Variants in SLC44A5 observed in about 807,000 individuals in gnomAD.
SLC44A5 encodes the protein solute carrier family 44 member 5, also known as choline transporter-like protein 5.
SLC44A5 carries 57 observed loss-of-function variants against 101.8 expected under a neutral mutation model. The observed-to-expected ratio is 0.56, with a 90% CI of 0.45 to 0.70. The LOEUF (loss-of-function observed/expected upper bound fraction) is 0.70, where lower values mean the gene tolerates loss of function less well. SLC44A5 is among the 30% of genes least tolerant of loss of function. The probability of loss-of-function intolerance (pLI) is 0.00; values close to 1 mark genes in which losing one functional copy is unlikely to be tolerated. For missense variants in SLC44A5, 737 were observed against 853.1 expected (o/e 0.86, Z 1.70); for synonymous variants, 281 against 290.9 (o/e 0.97, Z 0.35).
At chr1:75,513,613 T>G (rs530643987) in intron 2 of SLC44A5, among the ~76,000 whole-genome samples, 19 of 152,316 alleles carry the variant, frequency 1.2e-4, no homozygotes, top group Admixed American at 5.9e-4. Context: ...CTAGTTAGAT[T>G]TAAATTCCTA....
chr1:75,339,528 A>G, intron 4 of SLC44A5, 54 bp downstream of exon 4: 1 of 1,466,458 alleles, frequency 6.8e-7, no homozygotes, highest in Non-Finnish European at 9.4e-7. Flanking sequence ...CCCATCCCCC[A>G]AAGCTTTCTG....
chr1:75,214,392 A>G (rs559696683), intron 20 of SLC44A5, among the ~76,000 whole-genome samples: 4 of 152,276 alleles, frequency 2.6e-5, no homozygotes, highest in African/African-American at 7.2e-5. Context: ...AAAAATGCCA[A>G]TGGACCTAAA....
At chr1:75,337,277 G>GAGAT (rs1273705982) in intron 4 of SLC44A5, among the ~76,000 whole-genome samples, 4 of 152,158 alleles carry the variant, frequency 2.6e-5, no homozygotes, top group Admixed American at 2.0e-4. Context: ...ATACAAAGAT[G>GAGAT]AGATGTTCTC....
chr1:75,586,289 T>C (rs182245435), intron 1 of SLC44A5, among the ~76,000 whole-genome samples: 22 of 152,050 alleles, frequency 1.4e-4, no homozygotes, highest in African/African-American at 5.3e-4. Context: ...GGTCTCCAAT[T>C]TGCAGACAGT....
At chr1:75,395,725 T>C (rs1170675697) in intron 3 of SLC44A5, among the ~76,000 whole-genome samples, 3 of 152,178 alleles carry the variant, frequency 2.0e-5, no homozygotes, top group South Asian at 4.1e-4. Context: ...TATGTATATA[T>C]ACATTGTAGA....
chr1:75,632,352 A>C, the SLC44A5 span, among the ~76,000 whole-genome samples: 1 of 151,816 alleles, frequency 6.6e-6, no homozygotes, highest in Non-Finnish European at 1.5e-5. Flanking sequence ...AAATCATCTC[A>C]GCTATATGTA....
chr1:75,425,455 A>G lies in SLC44A5; in HGVS notation c.14-28834T>C, dbSNP rs546606922. Among the ~76,000 whole-genome samples the G allele has an allele frequency of 9.1e-4, 138 of 152,364 alleles. 1 individual carries two copies. Among genetic ancestry groups the G allele is most frequent in the Admixed American group, 3.7e-3 (56 of 15,308 alleles). On this transcript the variant is annotated intron_variant, in intron 2 of 23. Transcript: ENST00000370859. ...GAAGTCCCGAAGTCTGTAAACTTGCAGAAGCATTGCATTTTAGAGGAACAC... is the reference window on the plus strand; with the variant it reads ...GAAGTCCCGAAGTCTGTAAACTTGCGGAAGCATTGCATTTTAGAGGAACAC...
intron 4 of SLC44A5, among the ~76,000 whole-genome samples, chr1:75,310,019 A>G (rs761228751): frequency 1.6e-4 from 24 of 152,208 alleles, no homozygotes; most frequent in African/African-American, 5.8e-4. Flanking sequence ...TAGCAAAAGT[A>G]AAAGACAAAC....
At chr1:75,667,268 G>A in the SLC44A5 span, among the ~76,000 whole-genome samples, 5 of 152,036 alleles carry the variant, frequency 3.3e-5, no homozygotes, top group Non-Finnish European at 5.9e-5. Context: ...AAAATCACAC[G>A]CATTCCTATA....
chr1:75,589,310 T>C (rs1674208385), intron 1 of SLC44A5, among the ~76,000 whole-genome samples: 1 of 152,226 alleles, frequency 6.6e-6, no homozygotes, highest in Non-Finnish European at 1.5e-5. Flanking sequence ...TTAACTTCCC[T>C]GATCCTAAGT....
chr1:75,404,116 T>A (rs2101459454), intron 2 of SLC44A5, among the ~76,000 whole-genome samples: 1 of 151,958 alleles, frequency 6.6e-6, no homozygotes, highest in Admixed American at 6.5e-5. Flanking sequence ...GAAGATCAAC[T>A]TAATGTAATG....
chr1:75,567,852 T>A (rs211760), intron 1 of SLC44A5, among the ~76,000 whole-genome samples: 1 of 152,146 alleles, frequency 6.6e-6, no homozygotes, highest in Admixed American at 6.5e-5. Context: ...TTTTCCACAC[T>A]GATATTCAAG....
At chr1:75,372,776 G>T (rs1660314477) in intron 3 of SLC44A5, among the ~76,000 whole-genome samples, 1 of 152,194 alleles carries the variant, frequency 6.6e-6, no homozygotes, top group East Asian at 1.9e-4. Context: ...TTGGAAAATT[G>T]TATTAGGGAG....
intron 1 of SLC44A5, among the ~76,000 whole-genome samples, chr1:75,547,354 C>G (rs1671705819): frequency 6.6e-6 from 1 of 152,176 alleles, no homozygotes; most frequent in South Asian, 2.1e-4. Context: ...AAAACTATTG[C>G]ACCCAGATCA....
chr1:75,342,659 G>A (rs1657972629), intron 3 of SLC44A5, among the ~76,000 whole-genome samples: 1 of 152,110 alleles, frequency 6.6e-6, no homozygotes, highest in South Asian at 2.1e-4. Flanking sequence ...AACTTCTATT[G>A]ATTTTGTAAT....
chr1:75,551,374 C>T (rs1671928327), intron 1 of SLC44A5, among the ~76,000 whole-genome samples: 1 of 152,108 alleles, frequency 6.6e-6, no homozygotes, highest in African/African-American at 2.4e-5. Context: ...AACCGTATGA[C>T]AATTTTACTT....
intron 4 of SLC44A5, among the ~76,000 whole-genome samples, chr1:75,316,026 T>C (rs2100934767): frequency 6.6e-6 from 1 of 152,368 alleles, no homozygotes; most frequent in Admixed American, 6.5e-5. Context: ...AGACAGCGTC[T>C]TGCCCTTTTT....
intron 1 of SLC44A5, among the ~76,000 whole-genome samples, chr1:75,571,144 CAG>C (rs1211992187): frequency 6.6e-6 from 1 of 152,108 alleles, no homozygotes; most frequent in Admixed American, 6.6e-5. Context: ...ATAATATTCT[CAG>C]AGACATTCCC....
intron 1 of SLC44A5, among the ~76,000 whole-genome samples, chr1:75,567,581 A>G (rs1319041999): frequency 6.6e-6 from 1 of 152,178 alleles, no homozygotes; most frequent in Non-Finnish European, 1.5e-5. Flanking sequence ...CTCAGGGTAA[A>G]TTACTAATAG....
Sources: allele counts gnomAD v4.1 joint callset (sites outside exome capture counted in the v4.1 genomes callset), GRCh38; gene constraint gnomAD v4.1.1; transcripts MANE v1.5; gene names NCBI Gene and HGNC (gene_info 2026-07-23, HGNC 2026-07-21).